CAPZB: variants seen among roughly 807,000 people sequenced by gnomAD.
CAPZB encodes the protein F-actin-capping protein subunit beta.
In CAPZB, 2 loss-of-function variants were observed where a neutral mutation model predicts 38.1. That is an observed-to-expected ratio of 0.05 (90% CI 0.02 to 0.17). CAPZB has a LOEUF of 0.17. CAPZB is among the 10% of genes least tolerant of loss of function. The probability of loss-of-function intolerance (pLI) is 1.00; values close to 1 mark genes in which losing one functional copy is unlikely to be tolerated. For missense variants in CAPZB, 161 were observed against 334.2 expected (o/e 0.48, Z 4.04); for synonymous variants, 107 against 127.4 (o/e 0.84, Z 1.08).
At chr1:19,463,679 A>T (rs543749797) in intron 1 of CAPZB, among the ~76,000 whole-genome samples, 49 of 152,234 alleles carry the variant, frequency 3.2e-4, no homozygotes, top group Middle Eastern at 3.4e-3. Context: ...TACACACTCC[A>T]GGAGCCAGGA....
intron 2 of CAPZB, among the ~76,000 whole-genome samples, chr1:19,405,454 G>A (rs2094326264): frequency 6.7e-6 from 1 of 149,618 alleles, no homozygotes; most frequent in Admixed American, 6.7e-5. Flanking sequence ...AACAATGCGG[G>A]CGAAGAAGTA....
rs115744143 is a variant in CAPZB at position 19,405,228 on chromosome 1, G to C, written c.93+14433C>G. Among the ~76,000 whole-genome samples the C allele has an allele frequency of 6.7e-3, 1,020 of 152,178 alleles. 5 individuals carry two copies. The highest frequency in any genetic ancestry group is 0.031 in the Middle Eastern group (9 of 294). On this transcript the variant is annotated intron_variant, in intron 2 of 8. Transcript: ENST00000264202. ...TTGGTTCATTATCTCATATTTATTT[G>C]TGGCCATATCGACATGTGGCCAGGC...
At chr1:19,444,313 C>A (rs1015899019) in intron 1 of CAPZB, among the ~76,000 whole-genome samples, 5 of 151,620 alleles carry the variant, frequency 3.3e-5, no homozygotes, top group Admixed American at 3.3e-4. Flanking sequence ...GTCTGCAACA[C>A]CCCCCAGCCC....
chr1:19,404,054 G>A (rs1369450297), intron 2 of CAPZB, among the ~76,000 whole-genome samples: 1 of 151,406 alleles, frequency 6.6e-6, no homozygotes, highest in Non-Finnish European at 1.5e-5. Flanking sequence ...CCAACATGGT[G>A]AAATCTCGTC....
At chr1:19,406,353 C>T (rs1430556430) in intron 2 of CAPZB, among the ~76,000 whole-genome samples, 3 of 152,172 alleles carry the variant, frequency 2.0e-5, no homozygotes, top group African/African-American at 7.2e-5. Context: ...GGGTCTTGTG[C>T]TTGTTACCAC....
At chr1:19,430,897 T>C (rs1039088654) in intron 1 of CAPZB, among the ~76,000 whole-genome samples, 2 of 152,220 alleles carry the variant, frequency 1.3e-5, no homozygotes, top group Non-Finnish European at 2.9e-5. Flanking sequence ...TTGCTCAGGA[T>C]GGCTCTCCGC....
At chr1:19,403,577 C>T (rs1439557658) in intron 2 of CAPZB, among the ~76,000 whole-genome samples, 1 of 152,228 alleles carries the variant, frequency 6.6e-6, no homozygotes, top group Non-Finnish European at 1.5e-5. Context: ...TTGATCCCGA[C>T]AATGTGGAGT....
intron 1 of CAPZB, among the ~76,000 whole-genome samples, chr1:19,455,124 C>G (rs1330732228): frequency 6.6e-6 from 1 of 152,216 alleles, no homozygotes; most frequent in Non-Finnish European, 1.5e-5. Context: ...CTGAGACACC[C>G]CCAGGAGTGG....
Position 19,405,988 on chromosome 1 carries a change from G to A in CAPZB, c.93+13673C>T, listed in dbSNP as rs570269803. On this transcript the variant is annotated intron_variant, in intron 2 of 8. Transcript: ENST00000264202. Reference sequence around the variant, plus strand: ...ATTTGCAAAGGGACTCATTTTGGTGGGGGCATGGGGCTGGCCAGCCCCTTG... The same window carrying A: ...ATTTGCAAAGGGACTCATTTTGGTGAGGGCATGGGGCTGGCCAGCCCCTTG... Among the ~76,000 whole-genome samples, 72 of 152,324 alleles carry A rather than the reference G, an allele frequency of 4.7e-4. 1 individual carries two copies. In the South Asian group the frequency reaches 0.015, roughly 32 times the overall value.
At chr1:19,400,548 T>G (rs1263608846) in intron 2 of CAPZB, among the ~76,000 whole-genome samples, 1 of 151,772 alleles carries the variant, frequency 6.6e-6, no homozygotes, top group Admixed American at 6.6e-5. Context: ...GAGGAGGGAG[T>G]TGTTGTCTGC....
chr1:19,465,510 T>C (rs2094566080), intron 1 of CAPZB, among the ~76,000 whole-genome samples: 1 of 152,222 alleles, frequency 6.6e-6, no homozygotes, highest in Non-Finnish European at 1.5e-5. Context: ...TATATATTTT[T>C]ATTTTTGAAA....
chr1:19,436,394 C>T (rs912016927), intron 1 of CAPZB, among the ~76,000 whole-genome samples: 5 of 152,128 alleles, frequency 3.3e-5, no homozygotes, highest in African/African-American at 1.2e-4. Context: ...TTCATAATGG[C>T]CCTAAAACAC....
chr1:19,442,247 T>C (rs2094479873), intron 1 of CAPZB, among the ~76,000 whole-genome samples: 1 of 152,156 alleles, frequency 6.6e-6, no homozygotes, highest in African/African-American at 2.4e-5. Flanking sequence ...TTACATCGGG[T>C]ACACTATTAG....
chr1:19,409,869 T>C (rs994851081), intron 2 of CAPZB, among the ~76,000 whole-genome samples: 5 of 152,238 alleles, frequency 3.3e-5, no homozygotes, highest in East Asian at 1.9e-4. Flanking sequence ...GCCTCTTCCA[T>C]CTCAAGATCA....
chr1:19,450,075 T>C (rs1305794434), intron 1 of CAPZB, among the ~76,000 whole-genome samples: 1 of 120,754 alleles, frequency 8.3e-6, no homozygotes, highest in Non-Finnish European at 1.6e-5. Context: ...GCCCAGGAGG[T>C]GGGGGCTGCA....
At chr1:19,438,023 C>T (rs1004035154) in intron 1 of CAPZB, among the ~76,000 whole-genome samples, 5 of 152,132 alleles carry the variant, frequency 3.3e-5, no homozygotes, top group Admixed American at 2.0e-4. Context: ...CTCAGCTTTC[C>T]AGTAGTGCCC....
At chr1:19,388,793 A>G (rs2094216955) in intron 2 of CAPZB, among the ~76,000 whole-genome samples, 2 of 152,260 alleles carry the variant, frequency 1.3e-5, no homozygotes, top group African/African-American at 4.8e-5. Flanking sequence ...CAAACACAGT[A>G]GATGAGCTGC....
At chr1:19,404,469 G>A (rs2094320364) in intron 2 of CAPZB, among the ~76,000 whole-genome samples, 1 of 150,686 alleles carries the variant, frequency 6.6e-6, no homozygotes, top group South Asian at 2.1e-4. Context: ...ACTTGAACTC[G>A]GGAGGTGGAG....
At chr1:19,438,199 TAAG>T (rs1316069868) in intron 1 of CAPZB, among the ~76,000 whole-genome samples, 2 of 152,118 alleles carry the variant, frequency 1.3e-5, no homozygotes, top group Admixed American at 1.3e-4. Context: ...AATCGCTGCT[TAAG>T]AAGAGGCTGG....
Sources: allele counts gnomAD v4.1 joint callset (sites outside exome capture counted in the v4.1 genomes callset), GRCh38; gene constraint gnomAD v4.1.1; transcripts MANE v1.5; gene names NCBI Gene and HGNC (gene_info 2026-07-23, HGNC 2026-07-21).